Variants in WWP2 observed in about 807,000 individuals in gnomAD.
The protein encoded by WWP2 is WW domain containing E3 ubiquitin protein ligase 2.
Under a neutral mutation model 121.0 loss-of-function variants are expected in WWP2, and 57 were observed. That is an observed-to-expected ratio of 0.47 (90% CI 0.38 to 0.59). The LOEUF (loss-of-function observed/expected upper bound fraction) is 0.59, where lower values mean the gene tolerates loss of function less well. Ranked by LOEUF, WWP2 falls within the 20% of genes least tolerant of loss-of-function variation. WWP2 has a pLI of 0.00. For synonymous variants in WWP2, 449 were observed against 441.3 expected, an observed-to-expected ratio of 1.02 and a Z score of -0.22; for missense variants, 962 against 1,158.9, an observed-to-expected ratio of 0.83 and a Z score of 2.47.
intron 4 of WWP2, among the ~76,000 whole-genome samples, chr16:69,829,511 T>C (rs2056758512): frequency 6.6e-6 from 1 of 152,252 alleles, no homozygotes; most frequent in Non-Finnish European, 1.5e-5. Flanking sequence ...TGCACCCAGC[T>C]CATTGTGCCA....
chr16:69,890,975 G>A (rs572023150), intron 8 of WWP2: 10 of 152,332 alleles, frequency 6.6e-5, no homozygotes, highest in African/African-American at 1.7e-4. Context: ...GAACATGTAC[G>A]ATGGTCCAGA....
intron 4 of WWP2, among the ~76,000 whole-genome samples, chr16:69,834,825 G>A (rs2056848035): frequency 6.7e-6 from 1 of 149,434 alleles, no homozygotes; most frequent in Non-Finnish European, 1.5e-5. Context: ...ATGGCGCCCA[G>A]CCTGCACTTG....
At chr16:69,778,219 A>T (rs2055583118) in intron 1 of WWP2, among the ~76,000 whole-genome samples, 1 of 145,816 alleles carries the variant, frequency 6.9e-6, no homozygotes, top group Non-Finnish European at 1.5e-5. Context: ...AAATTTCAAT[A>T]GATCTACCAG....
Position 69,888,172 on chromosome 16 carries a change from T to C in WWP2, c.837T>C (p.Ala279=). The change falls in exon 8 of 24, where the codon GCT becomes GCC. Residue 279 remains alanine, a synonymous_variant. Transcript: ENST00000359154. ...CTCTCCCTGCCCCAGCCACACCGGC[T>C]GAAGGAGAGGAACCCAGCACTTCGG... is the stretch of plus-strand genomic sequence containing the variant. ...TTSLPAPATP[A]EGEEPSTSGT... is the part of the protein sequence containing the mutation. The C allele has an allele frequency of 2.5e-6, 4 of 1,614,200 alleles. No homozygotes were observed. Among genetic ancestry groups the C allele is most frequent in the Non-Finnish European group, 3.4e-6 (4 of 1,180,022 alleles).
chr16:69,939,606 C>G (rs1332915070), intron 23 of WWP2, among the ~76,000 whole-genome samples, 193 bp downstream of exon 23: 1 of 152,132 alleles, frequency 6.6e-6, no homozygotes, highest in Non-Finnish European at 1.5e-5. Flanking sequence ...CACTTCTGTT[C>G]CAGTAGTCCA....
At chr16:69,851,071 C>G (rs1288709890) in intron 6 of WWP2, among the ~76,000 whole-genome samples, 1 of 146,206 alleles carries the variant, frequency 6.8e-6, no homozygotes, top group Non-Finnish European at 1.5e-5. Flanking sequence ...AGTGCAGTGG[C>G]TCAATCTCAG....
At position 69,798,843 on chromosome 16, in the gene WWP2, C is replaced by T. The variant is rs538897950; in HGVS notation, c.218+14C>T. The T allele has an allele frequency of 1.2e-6, 2 of 1,612,928 alleles. No individual in the cohort carries two copies. Among genetic ancestry groups the T allele is most frequent in the South Asian group, 2.2e-5 (2 of 91,022 alleles). On this transcript the variant is annotated intron_variant, in intron 3 of 23. Transcript: ENST00000359154. Reference sequence around the variant, plus strand: ...GATCATCATTTTGTAAGAGAAAGCCCCTTCTTTTTGAACGCAGCAAGATGG... The same window carrying T: ...GATCATCATTTTGTAAGAGAAAGCCTCTTCTTTTTGAACGCAGCAAGATGG...
intron 7 of WWP2, among the ~76,000 whole-genome samples, chr16:69,874,655 C>A (rs557880897): frequency 6.6e-6 from 1 of 152,048 alleles, no homozygotes; most frequent in Non-Finnish European, 1.5e-5. Context: ...TGGCATAGCC[C>A]TTCATTGAGA....
At chr16:69,802,662 G>A (rs2056194301) in intron 4 of WWP2, among the ~76,000 whole-genome samples, 1 of 150,744 alleles carries the variant, frequency 6.6e-6, no homozygotes, top group African/African-American at 2.4e-5. Flanking sequence ...GTGCAGTGGC[G>A]CGATCTCGGC....
intron 1 of WWP2, among the ~76,000 whole-genome samples, chr16:69,778,188 ATATATT>A (rs1459524968): frequency 5.2e-5 from 5 of 95,612 alleles, no homozygotes; most frequent in Non-Finnish European, 9.4e-5. Context: ...ATATATATAT[ATATATT>A]TTTTTTTTTT....
At chr16:69,813,485 G>T (rs1423247427) in intron 4 of WWP2, among the ~76,000 whole-genome samples, 1 of 151,610 alleles carries the variant, frequency 6.6e-6, no homozygotes, top group Non-Finnish European at 1.5e-5. Context: ...TTTTTAAATT[G>T]TTTGTTTATT....
chr16:69,889,146 T>TACAC (rs143311481), intron 8 of WWP2, among the ~76,000 whole-genome samples: 1,958 of 146,214 alleles, frequency 0.013, 38 homozygotes, highest in African/African-American at 0.043. Context: ...ATATCCTGCC[T>TACAC]ACACACACAC....
Position 69,765,949 on chromosome 16 carries a change from CATT to C in WWP2, c.-16+3559_-16+3561del, listed in dbSNP as rs756937665. On this transcript the variant is annotated intron_variant, in intron 1 of 23. Transcript: ENST00000359154. ...AAGTGCTGAGATTACAGGCATGAACCATTGCACCTGGCTCAGTCTCTTAACTCT... is the reference window on the plus strand; with the variant it reads ...AAGTGCTGAGATTACAGGCATGAACCGCACCTGGCTCAGTCTCTTAACTCT... Among the ~76,000 whole-genome samples the C allele has an allele frequency of 1.0e-3, 155 of 152,228 alleles. 1 individual carries two copies. Among genetic ancestry groups the C allele is most frequent in the Non-Finnish European group, 1.1e-3 (76 of 68,020 alleles).
chr16:69,810,135 G>T (rs761932903), intron 4 of WWP2, among the ~76,000 whole-genome samples: 1 of 152,208 alleles, frequency 6.6e-6, no homozygotes, highest in African/African-American at 2.4e-5. Flanking sequence ...GACAGAATTC[G>T]TTCTTTCATT....
In WWP2 at chr16:69,814,075, G is replaced by A. The variant is rs572932297; in HGVS notation, c.340+14780G>A. The stretch of plus-strand genomic sequence containing the variant: ...TCAGGCCAACAAGCCCTTGGGATTC[G>A]GGGACACACTTGTTTGAGAACCAGT... On this transcript the variant is annotated intron_variant, in intron 4 of 23. Transcript: ENST00000359154. Among the ~76,000 whole-genome samples, 13 of 152,238 alleles carry A rather than the reference G, an allele frequency of 8.5e-5. No individual in the cohort carries two copies. The South Asian group carries it at 1.0e-3, about 12-fold the overall frequency.
chr16:69,853,384 G>A (rs532493228), intron 6 of WWP2, among the ~76,000 whole-genome samples: 1 of 152,302 alleles, frequency 6.6e-6, no homozygotes, highest in South Asian at 2.1e-4. Context: ...AAGTGGGTGT[G>A]CAGGCGATGA....
At chr16:69,812,186 A>C (rs1337192701) in intron 4 of WWP2, among the ~76,000 whole-genome samples, 2 of 64,644 alleles carry the variant, frequency 3.1e-5, no homozygotes, top group African/African-American at 1.5e-4. Context: ...TTTTTTTTTG[A>C]GATGGAGTCT....
Position 69,787,063 on chromosome 16 carries a change from C to T in WWP2, c.53C>T (p.Ser18Phe). 1 of 1,613,472 alleles carries T rather than the reference C, an allele frequency of 6.2e-7. No individual in the cohort carries two copies. The highest frequency in any genetic ancestry group is 8.5e-7 in the Non-Finnish European group (1 of 1,179,746). Residue 18 changes from serine to phenylalanine, a missense_variant, in exon 2 of 24, where the codon TCT (serine) becomes TTT (phenylalanine). Coordinates refer to ENST00000359154, the MANE Select transcript of WWP2 (RefSeq NM_001270454.2). ...RAGVALPFEK[S>F]QLTLKVVSAK... ...GGAGTGGCCCTGCCTTTTGAGAAGTCTCAGCTCACTTTGAAAGGTGAGTGG... is the reference window on the plus strand; with the variant it reads ...GGAGTGGCCCTGCCTTTTGAGAAGTTTCAGCTCACTTTGAAAGGTGAGTGG...
intron 2 of WWP2, among the ~76,000 whole-genome samples, chr16:69,787,692 T>A (rs956041788): frequency 1.3e-5 from 2 of 152,240 alleles, no homozygotes; most frequent in Non-Finnish European, 2.9e-5. Context: ...TCTTCCAACC[T>A]CTGGCTTTAA....
Sources: gnomAD v4.1 joint callset for allele counts (sites outside exome capture counted in the v4.1 genomes callset) on GRCh38, gnomAD v4.1.1 for gene constraint, MANE v1.5 for transcripts, NCBI Gene and HGNC (gene_info 2026-07-23, HGNC 2026-07-21) for gene names.